GJB7: variants seen among roughly 807,000 people sequenced by gnomAD.
The protein encoded by GJB7 is gap junction beta-7 protein.
For missense variants in GJB7, 253 were observed against 256.8 expected, an observed-to-expected ratio of 0.99 and a Z score of 0.10; for synonymous variants, 87 against 95.2, an observed-to-expected ratio of 0.91 and a Z score of 0.50.
intron 1 of GJB7, among the ~76,000 whole-genome samples, chr6:87,324,576 T>A (rs1238660332): frequency 1.3e-5 from 2 of 151,208 alleles, no homozygotes; most frequent in African/African-American, 2.4e-5. Context: ...GATCAGATAG[T>A]TGTAGATATG....
intron 2 of GJB7, among the ~76,000 whole-genome samples, chr6:87,296,605 A>T (rs1287105439): frequency 6.6e-6 from 1 of 152,204 alleles, no homozygotes; most frequent in Non-Finnish European, 1.5e-5. Flanking sequence ...GTATTTAATG[A>T]ATGTTAGTTC....
chr6:87,317,408 T>A lies in GJB7; in HGVS notation c.-28+5458A>T, dbSNP rs1335573588. Among the ~76,000 whole-genome samples the A allele has an allele frequency of 9.4e-5, 14 of 149,336 alleles. No individual in the cohort carries two copies. The Admixed American group carries it at 9.4e-4, about 10-fold the overall frequency. ...AAGAAATTATCTGTTTTAATTTGTC[T>A]CCCTCACTAATCTTTAATCTTTTCC... On this transcript the variant is annotated intron_variant, in intron 2 of 2. Coordinates refer to ENST00000525899, the MANE Select transcript of GJB7 (RefSeq NM_198568.3).
chr6:87,284,015 TA>T lies in GJB7; in HGVS notation c.*225del. 1.6e-5 allele frequency: 8 copies of T among 513,166 alleles called. No individual in the cohort carries two copies. Among genetic ancestry groups the T allele is most frequent in the East Asian group, 3.2e-5 (1 of 31,022 alleles). The allele number at this position is 513,166 out of a possible 1,614,324, so 31.8% of individuals were successfully genotyped here. On this transcript the variant is annotated 3_prime_UTR_variant, in exon 3 of 3. Transcript: ENST00000525899. ...CATAACTGAAAGCATATTGACAATG[TA>T]AAAAAATTCCTCCCAAATGATACTA...
rs1278266460 is a variant in GJB7 at position 87,283,289 on chromosome 6, T to C, written c.*952A>G. ...TGAATATTTACAAAGTATTTCAATG[T>C]TCTTTTGGTTAAATAGAAGTCTTAA... On this transcript the variant is annotated 3_prime_UTR_variant, in exon 3 of 3. Coordinates refer to ENST00000525899, the MANE Select transcript of GJB7 (RefSeq NM_198568.3). 2 of 152,248 alleles carry C rather than the reference T, an allele frequency of 1.3e-5. No individual in the cohort carries two copies. Among genetic ancestry groups the C allele is most frequent in the African/African-American group, 4.8e-5 (2 of 41,468 alleles). 9.4% of individuals were successfully genotyped at this position (152,248 alleles called of 1,614,324 possible).
intron 2 of GJB7, among the ~76,000 whole-genome samples, chr6:87,304,959 T>C (rs1562213071): frequency 6.6e-6 from 1 of 152,194 alleles, no homozygotes; most frequent in Non-Finnish European, 1.5e-5. Flanking sequence ...GAAAAGGCCT[T>C]TGAGAAAATT....
chr6:87,286,216 A>G (rs1776057469), intron 2 of GJB7, among the ~76,000 whole-genome samples: 1 of 152,182 alleles, frequency 6.6e-6, no homozygotes, highest in African/African-American at 2.4e-5. Context: ...ATGATCATCT[A>G]AATGTCCCAC....
chr6:87,320,816 G>C (rs552810753), intron 2 of GJB7, among the ~76,000 whole-genome samples: 248 of 152,248 alleles, frequency 1.6e-3, no homozygotes, highest in African/African-American at 5.6e-3. Context: ...GGGGTGTTGT[G>C]GCAGCCAAGG....
At chr6:87,288,213 G>C (rs1244168556) in intron 2 of GJB7, among the ~76,000 whole-genome samples, 2 of 151,928 alleles carry the variant, frequency 1.3e-5, no homozygotes, top group Non-Finnish European at 2.9e-5. Context: ...TATTTTCAAA[G>C]GATGGAAAGA....
intron 1 of GJB7, among the ~76,000 whole-genome samples, chr6:87,327,356 G>T (rs1474636122): frequency 6.6e-6 from 1 of 152,038 alleles, no homozygotes; most frequent in African/African-American, 2.4e-5. Flanking sequence ...TTTCTTCCTA[G>T]TCTCAATGGT....
At chr6:87,306,617 C>T (rs1475942174) in intron 2 of GJB7, among the ~76,000 whole-genome samples, 7 of 151,990 alleles carry the variant, frequency 4.6e-5, no homozygotes, top group Non-Finnish European at 7.4e-5. Context: ...GTCAGTGTGG[C>T]GATTCCTCAG....
At chr6:87,307,039 G>A (rs1444549125) in intron 2 of GJB7, among the ~76,000 whole-genome samples, 2 of 152,074 alleles carry the variant, frequency 1.3e-5, no homozygotes, top group Non-Finnish European at 2.9e-5. Flanking sequence ...TGGGGAGAGT[G>A]GGGAGGGATA....
At position 87,316,158 on chromosome 6, in the gene GJB7, G is replaced by A. The variant is rs564525303; in HGVS notation, c.-28+6708C>T. On this transcript the variant is annotated intron_variant, in intron 2 of 2. Transcript: ENST00000525899. ...TTCTTCTGTATACATGAGCTGATGC[G>A]CAGATATCTTCCCTCCCACTTAAGC... is the stretch of plus-strand genomic sequence containing the variant. Among the ~76,000 whole-genome samples, 255 of 152,124 alleles carry A rather than the reference G, an allele frequency of 1.7e-3. 3 individuals are homozygous for A. The highest frequency in any genetic ancestry group is 6.8e-3 in the Middle Eastern group (2 of 294).
At chr6:87,325,918 C>G (rs1776808958) in intron 1 of GJB7, among the ~76,000 whole-genome samples, 1 of 152,168 alleles carries the variant, frequency 6.6e-6, no homozygotes, top group African/African-American at 2.4e-5. Flanking sequence ...GGTTGGTAAG[C>G]TATTGATTAT....
intron 1 of GJB7, among the ~76,000 whole-genome samples, chr6:87,323,915 C>T (rs189005523): frequency 1.6e-4 from 24 of 152,188 alleles, no homozygotes; most frequent in African/African-American, 5.8e-4. Context: ...TCCTGTTTCT[C>T]CACAGCCTCT....
intron 2 of GJB7, among the ~76,000 whole-genome samples, chr6:87,308,327 TAACA>T (rs1776464200): frequency 2.0e-5 from 3 of 152,174 alleles, no homozygotes; most frequent in Non-Finnish European, 4.4e-5. Flanking sequence ...TATACATATG[TAACA>T]AACCTGCATA....
At chr6:87,290,528 ATTC>A (rs1160843787) in intron 2 of GJB7, among the ~76,000 whole-genome samples, 44 of 152,128 alleles carry the variant, frequency 2.9e-4, no homozygotes, top group African/African-American at 1.1e-3. Flanking sequence ...TTGTTGTTAT[ATTC>A]TTAAGTGTCT....
chr6:87,323,861 C>G (rs1776744403), intron 1 of GJB7, among the ~76,000 whole-genome samples: 2 of 152,136 alleles, frequency 1.3e-5, no homozygotes, highest in African/African-American at 4.8e-5. Flanking sequence ...CTGACTTCCA[C>G]AATGGTTGTA....
At chr6:87,313,635 T>C (rs954379753) in intron 2 of GJB7, among the ~76,000 whole-genome samples, 6 of 152,214 alleles carry the variant, frequency 3.9e-5, no homozygotes, top group Non-Finnish European at 8.8e-5. Flanking sequence ...GAAATATAAA[T>C]CTTCAGAGAA....
At chr6:87,302,849 C>A (rs1420469030) in intron 2 of GJB7, among the ~76,000 whole-genome samples, 2 of 152,182 alleles carry the variant, frequency 1.3e-5, no homozygotes, top group African/African-American at 4.8e-5. Flanking sequence ...ACTCTACAAG[C>A]CAGAAGAGAG....
Sources: gnomAD v4.1 joint callset for allele counts (sites outside exome capture counted in the v4.1 genomes callset) on GRCh38, gnomAD v4.1.1 for gene constraint, MANE v1.5 for transcripts, NCBI Gene and HGNC (gene_info 2026-07-23, HGNC 2026-07-21) for gene names.